Variants in MAP4K5 observed in about 807,000 individuals in gnomAD.
MAP4K5 encodes the protein MAPK/ERK kinase kinase kinase 5.
Under a neutral mutation model 135.6 loss-of-function variants are expected in MAP4K5, and 82 were observed. The ratio of observed to expected loss-of-function variants is 0.60; its 90% CI spans 0.51 to 0.73. MAP4K5 has a LOEUF of 0.73. MAP4K5 is among the 30% of genes least tolerant of loss of function. The probability of loss-of-function intolerance (pLI) is 0.00; values close to 1 mark genes in which losing one functional copy is unlikely to be tolerated. For synonymous variants in MAP4K5, 347 were observed against 335.0 expected (o/e 1.04, Z -0.39); for missense variants, 907 against 1,010.9 (o/e 0.90, Z 1.39).
chr14:50,553,858 A>G (rs1247911806), intron 1 of MAP4K5, among the ~76,000 whole-genome samples: 4 of 152,178 alleles, frequency 2.6e-5, no homozygotes, highest in African/African-American at 9.7e-5. Flanking sequence ...GGAATGGAAA[A>G]CCAAATATTG....
intron 2 of MAP4K5, among the ~76,000 whole-genome samples, chr14:50,511,233 G>C (rs2037923885): frequency 6.6e-6 from 1 of 152,140 alleles, no homozygotes; most frequent in African/African-American, 2.4e-5. Flanking sequence ...CCACAAAAAA[G>C]AATGAAATGC....
At chr14:50,482,604 C>T in intron 5 of MAP4K5, 188 bp from the exon 6 acceptor site, 1 of 422,036 alleles carries the variant, frequency 2.4e-6, no homozygotes, top group Non-Finnish European at 4.3e-6. Context: ...TGGTGAAACC[C>T]CGTCTCTACT....
At chr14:50,474,863 G>C in intron 9 of MAP4K5, among the ~76,000 whole-genome samples, 1 of 152,064 alleles carries the variant, frequency 6.6e-6, no homozygotes, top group East Asian at 1.9e-4. Context: ...AAAATCACAG[G>C]GATAGTAAAA....
intron 3 of MAP4K5, among the ~76,000 whole-genome samples, chr14:50,491,693 T>C (rs1044918460): frequency 1.3e-5 from 2 of 151,872 alleles, no homozygotes; most frequent in African/African-American, 2.4e-5. Context: ...CTTTCTTTTT[T>C]TTTTTTTTTC....
intron 28 of MAP4K5, among the ~76,000 whole-genome samples, chr14:50,432,916 C>A (rs1459651826): frequency 6.6e-6 from 1 of 152,146 alleles, no homozygotes; most frequent in Admixed American, 6.5e-5. Flanking sequence ...TGGCTCACTG[C>A]AACCTCTGCC....
At position 50,418,758 on chromosome 14, in the gene MAP4K5, T is replaced by C. The variant is rs942265571; in HGVS notation, c.*1261A>G. The stretch of plus-strand genomic sequence containing the variant: ...CTTAAGTAATTAGTCAAAATAATTA[T>C]AGAGTTTGCTATTGCTAACCCCTTG... On this transcript the variant is annotated 3_prime_UTR_variant, in exon 33 of 33. Transcript: ENST00000682126. 3 of 152,218 alleles carry C rather than the reference T, an allele frequency of 2.0e-5. No homozygotes were observed. Among genetic ancestry groups the C allele is most frequent in the South Asian group, 4.1e-4 (2 of 4,828 alleles). 9.4% of individuals were successfully genotyped at this position (152,218 alleles called of 1,614,324 possible).
chr14:50,469,876 G>C (rs1474440088), intron 9 of MAP4K5, among the ~76,000 whole-genome samples: 1 of 152,092 alleles, frequency 6.6e-6, no homozygotes. Context: ...ATATCCACAA[G>C]GTACAAGTTG....
intron 9 of MAP4K5, among the ~76,000 whole-genome samples, chr14:50,473,636 T>C (rs939426579): frequency 1.3e-5 from 2 of 152,114 alleles, no homozygotes; most frequent in South Asian, 4.1e-4. Context: ...AGCATTTCCT[T>C]TTAAGGTTTT....
intron 9 of MAP4K5, among the ~76,000 whole-genome samples, chr14:50,469,038 A>G (rs751526350): frequency 4.6e-5 from 7 of 152,158 alleles, no homozygotes; most frequent in Non-Finnish European, 1.0e-4. Flanking sequence ...TTTGGTTTCT[A>G]TTTTTGTGAA....
intron 30 of MAP4K5, 115 bp downstream of exon 30, chr14:50,428,547 C>G (rs900019542): frequency 2.4e-5 from 15 of 612,766 alleles, no homozygotes; most frequent in Non-Finnish European, 3.5e-5. Context: ...TAGAACATTT[C>G]TATCTTTACA....
At chr14:50,441,056 TAG>T (rs1463075693) in intron 21 of MAP4K5, among the ~76,000 whole-genome samples, 1 of 152,090 alleles carries the variant, frequency 6.6e-6, no homozygotes, top group Non-Finnish European at 1.5e-5. Flanking sequence ...AAATAAATAA[TAG>T]AGATAGATCA....
At chr14:50,441,932 C>A (rs770062209) in intron 21 of MAP4K5, among the ~76,000 whole-genome samples, 1 of 152,038 alleles carries the variant, frequency 6.6e-6, no homozygotes, top group East Asian at 1.9e-4. Context: ...TTGCTAATTG[C>A]TAGACACTGG....
At chr14:50,555,607 C>T (rs78625105) in intron 1 of MAP4K5, among the ~76,000 whole-genome samples, 3,601 of 152,200 alleles carry the variant, frequency 0.024, 86 homozygotes, top group East Asian at 0.065. Context: ...TTTGAAGCCA[C>T]GGTATTATCC....
In MAP4K5 at chr14:50,470,551, G is replaced by T. The variant is rs547993072; in HGVS notation, c.543-1769C>A. ...TTTTTCTGTTAAAGTGATTTGTGTT[G>T]ACTGAAAACAATTTGGAATATATGA... On this transcript the variant is annotated intron_variant, in intron 9 of 32. Coordinates refer to ENST00000682126, the MANE Select transcript of MAP4K5 (RefSeq NM_006575.6). Among the ~76,000 whole-genome samples, 6 of 151,778 alleles carry T rather than the reference G, an allele frequency of 4.0e-5. No individual in the cohort carries two copies. The South Asian group carries it at 1.3e-3, about 32-fold the overall frequency.
chr14:50,438,067 T>A, intron 24 of MAP4K5, 25 bp downstream of exon 24: 1 of 1,001,708 alleles, frequency 1.0e-6, no homozygotes, highest in Non-Finnish European at 1.6e-6. Flanking sequence ...AAATACAATT[T>A]TCGAGAAAAA....
At chr14:50,477,299 T>C (rs913466781) in intron 6 of MAP4K5, among the ~76,000 whole-genome samples, 8 of 152,212 alleles carry the variant, frequency 5.3e-5, no homozygotes, top group Admixed American at 6.5e-5. Context: ...ATAAATCTGA[T>C]TGATTTTTGT....
chr14:50,505,489 C>A (rs2037791292), intron 2 of MAP4K5, among the ~76,000 whole-genome samples: 1 of 152,100 alleles, frequency 6.6e-6, no homozygotes. Context: ...CTATCCACAG[C>A]CTTATTTCCT....
At chr14:50,499,162 T>C (rs936895038) in intron 3 of MAP4K5, among the ~76,000 whole-genome samples, 4 of 149,566 alleles carry the variant, frequency 2.7e-5, no homozygotes, top group African/African-American at 9.8e-5. Context: ...ATGCTGAAGA[T>C]ACGAAGAATT....
chr14:50,480,859 A>G (rs1369946704), intron 6 of MAP4K5, among the ~76,000 whole-genome samples: 3 of 152,212 alleles, frequency 2.0e-5, no homozygotes, highest in Non-Finnish European at 4.4e-5. Flanking sequence ...ACTGTAACAC[A>G]ATGACAATTA....
Sources: allele counts gnomAD v4.1 joint callset (sites outside exome capture counted in the v4.1 genomes callset), GRCh38; gene constraint gnomAD v4.1.1; transcripts MANE v1.5; gene names NCBI Gene and HGNC (gene_info 2026-07-23, HGNC 2026-07-21).